The following CNTN4 variants were observed in gnomAD, a reference collection of about 807,000 sequenced individuals.
CNTN4 encodes contactin-4.
CNTN4 carries 77 observed loss-of-function variants against 122.5 expected under a neutral mutation model. That is an observed-to-expected ratio of 0.63 (90% CI 0.52 to 0.76). The LOEUF (loss-of-function observed/expected upper bound fraction) is 0.76, where lower values mean the gene tolerates loss of function less well. Among genes scored for constraint, CNTN4 ranks in the 30% least tolerant of loss-of-function variants. The pLI, the probability that CNTN4 is intolerant of heterozygous loss-of-function variation, is 0.00. For synonymous variants in CNTN4, 512 were observed against 447.0 expected, an observed-to-expected ratio of 1.15 and a Z score of -1.83; for missense variants, 1,256 against 1,259.1, an observed-to-expected ratio of 1.00 and a Z score of 0.04.
rs73807703 is a variant in CNTN4, at chr3:2,301,272, T to C, written c.-144-37906T>C. On this transcript the variant is annotated intron_variant, in intron 2 of 24. Coordinates refer to ENST00000418658, the MANE Select transcript of CNTN4 (RefSeq NM_175607.3). ...GAGGAAAACAAAAATCCATATTAAT[T>C]TATATCTTTATGGTCTGCATTATAT... 5.7e-3 allele frequency among the ~76,000 whole-genome samples: 875 copies of C among 152,342 alleles called. 16 individuals are homozygous for C. Among genetic ancestry groups the C allele is most frequent in the African/African-American group, 0.02 (813 of 41,588 alleles).
At chr3:2,976,138 G>A (rs1693395554) in intron 13 of CNTN4, among the ~76,000 whole-genome samples, 1 of 152,082 alleles carries the variant, frequency 6.6e-6, no homozygotes, top group Non-Finnish European at 1.5e-5. Context: ...AATTTTACCA[G>A]CCCAAGAAAA....
intron 4 of CNTN4, among the ~76,000 whole-genome samples, chr3:2,653,905 G>C (rs1486079462): frequency 1.3e-5 from 2 of 152,124 alleles, no homozygotes; most frequent in African/African-American, 2.4e-5. Flanking sequence ...TTGTGGTTTT[G>C]AGTTATAAGT....
intron 10 of CNTN4, among the ~76,000 whole-genome samples, chr3:2,893,304 G>C (rs568060875): frequency 2.0e-5 from 3 of 152,132 alleles, no homozygotes; most frequent in Non-Finnish European, 4.4e-5. Flanking sequence ...TCTTACAGCA[G>C]AGCATACTAA....
chr3:2,887,114 A>G lies in CNTN4; in HGVS notation c.830A>G (p.Asn277Ser). ...AGGAAAGCCAGAAGACACAAGTCAA[A>G]TGGAATTCTTGAGATCCCTAATTTT... ...IARKARRHKS[N>S]GILEIPNFQQ... The change falls in exon 10 of 25, where the codon AAT (asparagine) becomes AGT (serine). Residue 277 changes from asparagine to serine, a missense_variant. Coordinates refer to ENST00000418658, the MANE Select transcript of CNTN4 (RefSeq NM_175607.3). 1.9e-6 allele frequency: 3 copies of G among 1,614,180 alleles called. No homozygotes were observed. Among genetic ancestry groups the G allele is most frequent in the Non-Finnish European group, 2.5e-6 (3 of 1,180,020 alleles).
intron 13 of CNTN4, among the ~76,000 whole-genome samples, chr3:2,981,305 G>A (rs911557309): frequency 9.2e-5 from 14 of 151,844 alleles, no homozygotes; most frequent in South Asian, 4.2e-4. Flanking sequence ...TTAGCCGGGC[G>A]TGGTGGCGGG....
At chr3:3,042,944 T>C in intron 21 of CNTN4, 33 bp from the exon 22 acceptor site, 1 of 1,572,470 alleles carries the variant, frequency 6.4e-7, no homozygotes, top group Non-Finnish European at 8.8e-7. Context: ...CCATTGGGTA[T>C]GGTTTCCAAG....
intron 14 of CNTN4, among the ~76,000 whole-genome samples, chr3:3,017,872 G>C (rs1697915179): frequency 6.6e-6 from 1 of 152,172 alleles, no homozygotes; most frequent in African/African-American, 2.4e-5. Flanking sequence ...ACCTTCAAAA[G>C]TAGCAATAAC....
intron 6 of CNTN4, among the ~76,000 whole-genome samples, chr3:2,800,499 G>T (rs963294728): frequency 2.6e-5 from 4 of 152,184 alleles, no homozygotes; most frequent in Non-Finnish European, 5.9e-5. Flanking sequence ...ACAAGATGAG[G>T]AGTTCTTCAG....
intron 4 of CNTN4, among the ~76,000 whole-genome samples, chr3:2,719,639 G>T (rs2087716978): frequency 6.6e-6 from 1 of 152,098 alleles, no homozygotes; most frequent in Admixed American, 6.6e-5. Context: ...GGCCAGGCTG[G>T]TCTCAAACCC....
chr3:2,287,696 A>AGAAGAG (rs2041975089), intron 2 of CNTN4, among the ~76,000 whole-genome samples: 1 of 68,268 alleles, frequency 1.5e-5, no homozygotes, highest in Admixed American at 1.9e-4. Flanking sequence ...AAGAAGAGGA[A>AGAAGAG]GAAGAAGAAG....
intron 4 of CNTN4, among the ~76,000 whole-genome samples, chr3:2,721,463 A>C (rs1044521951): frequency 2.0e-5 from 3 of 152,178 alleles, no homozygotes; most frequent in South Asian, 2.1e-4. Flanking sequence ...TGCCATGAAC[A>C]TGGAAGTATT....
Position 2,841,622 on chromosome 3 carries a change from A to G in CNTN4, c.454+22041A>G, listed in dbSNP as rs1395333931. On this transcript the variant is annotated intron_variant, in intron 7 of 24. Transcript: ENST00000418658. This position sits in a 1 kb window ranked among gnomAD's most constrained non-coding sequence, Gnocchi z 4.8. Reference sequence around the variant, plus strand: ...GTTATTTCCTCAACCCTTTGTGAAGAAATCTTTTAATTTTTTGTGGGTCAG... The same window carrying G: ...GTTATTTCCTCAACCCTTTGTGAAGGAATCTTTTAATTTTTTGTGGGTCAG... 6.6e-6 allele frequency among the ~76,000 whole-genome samples: 1 copy of G among 152,198 alleles called. No individual in the cohort carries two copies. The highest frequency in any genetic ancestry group is 2.4e-5 in the African/African-American group (1 of 41,454).
intron 6 of CNTN4, among the ~76,000 whole-genome samples, chr3:2,781,433 TCAA>T (rs1262727454): frequency 7.0e-6 from 1 of 141,868 alleles, no homozygotes; most frequent in Non-Finnish European, 1.5e-5. Context: ...GTGAGCAATG[TCAA>T]CGAAGAGTCA....
intron 7 of CNTN4, among the ~76,000 whole-genome samples, chr3:2,821,838 C>T (rs963923370): frequency 6.6e-6 from 1 of 152,234 alleles, no homozygotes; most frequent in Non-Finnish European, 1.5e-5. Flanking sequence ...TTGTTATTGC[C>T]TTAATTTTCA....
chr3:2,470,048 A>G (rs1346679420), intron 3 of CNTN4, among the ~76,000 whole-genome samples: 1 of 151,900 alleles, frequency 6.6e-6, no homozygotes, highest in Admixed American at 6.6e-5. Flanking sequence ...CATTTCTTTG[A>G]TGACTAGGTA....
At chr3:2,411,877 C>T (rs1396740673) in intron 3 of CNTN4, among the ~76,000 whole-genome samples, 1 of 152,104 alleles carries the variant, frequency 6.6e-6, no homozygotes. Flanking sequence ...TATTACGTTT[C>T]ATCTATTGCT....
chr3:2,208,052 C>T (rs4685497), intron 2 of CNTN4, among the ~76,000 whole-genome samples: 21,003 of 152,140 alleles, frequency 0.14, 1,842 homozygotes, highest in Non-Finnish European at 0.2. Flanking sequence ...AATATCCTTT[C>T]TGCAGTTCAT....
chr3:2,616,447 A>C (rs192844297), intron 4 of CNTN4, among the ~76,000 whole-genome samples: 80 of 152,278 alleles, frequency 5.3e-4, no homozygotes, highest in Middle Eastern at 3.4e-3. Flanking sequence ...ATACATGTGC[A>C]TATGTCTTTA....
chr3:2,227,457 T>C (rs550444945), intron 2 of CNTN4, among the ~76,000 whole-genome samples: 2 of 152,312 alleles, frequency 1.3e-5, no homozygotes, highest in South Asian at 4.1e-4. Context: ...TTGCACATAA[T>C]CCAGCATTAA....
Sources: allele counts gnomAD v4.1 joint callset (sites outside exome capture counted in the v4.1 genomes callset), GRCh38; gene constraint gnomAD v4.1.1; non-coding constraint Gnocchi (gnomAD v3.1); transcripts MANE v1.5; gene names NCBI Gene and HGNC (gene_info 2026-07-23, HGNC 2026-07-21).